LMLN: variants seen among roughly 807,000 people sequenced by gnomAD.
The protein encoded by LMLN is leishmanolysin-like peptidase.
In LMLN, 70 loss-of-function variants were observed where a neutral mutation model predicts 92.3. The observed-to-expected ratio is 0.76, with a 90% CI of 0.63 to 0.92. The LOEUF is 0.92. Ranked by LOEUF, LMLN falls within the 40% of genes least tolerant of loss-of-function variation. LMLN has a pLI of 0.00. For missense variants in LMLN, 691 were observed against 814.6 expected (o/e 0.85, Z 1.85); for synonymous variants, 308 against 296.2 (o/e 1.04, Z -0.41).
chr3:197,985,849 C>T (rs752283291), exon 8 of LMLN: 1 of 1,613,566 alleles, frequency 6.2e-7, no homozygotes, highest in African/African-American at 1.3e-5. Context: ...GAAATCCTCT[C>T]ACTTCAAGAT....
At chr3:197,980,599 T>A in intron 6 of LMLN, 95 bp downstream of exon 6, 3 of 1,235,600 alleles carry the variant, frequency 2.4e-6, no homozygotes, top group Non-Finnish European at 2.3e-6. Context: ...GAATCTTGCA[T>A]TTGCCAGATT....
intron 10 of LMLN, among the ~76,000 whole-genome samples, chr3:197,998,151 C>CCAGA (rs1722078012): frequency 6.6e-6 from 1 of 152,194 alleles, no homozygotes; most frequent in African/African-American, 2.4e-5. Flanking sequence ...AGCTCAAGTA[C>CCAGA]CAGAGCACAA....
intron 8 of LMLN, among the ~76,000 whole-genome samples, chr3:197,989,146 T>C (rs557423452): frequency 3.7e-4 from 56 of 152,324 alleles, no homozygotes; most frequent in African/African-American, 1.3e-3. Flanking sequence ...GTTTTCACCA[T>C]GATTGTGGGC....
chr3:198,010,111 A>G (rs914820222), intron 11 of LMLN, among the ~76,000 whole-genome samples: 5 of 151,938 alleles, frequency 3.3e-5, no homozygotes, highest in African/African-American at 9.7e-5. Flanking sequence ...TCCCTGCTAT[A>G]TCTTTCCCAC....
intron 1 of LMLN, among the ~76,000 whole-genome samples, 166 bp from the exon 2 acceptor site, chr3:197,974,211 C>CT (rs921186639): frequency 2.0e-5 from 3 of 152,200 alleles, no homozygotes; most frequent in African/African-American, 4.8e-5. Flanking sequence ...GCAGCCCTTG[C>CT]TTGGGAGAGC....
At chr3:198,039,149 C>G (rs1021295588) in exon 16 of LMLN, 2 of 160,192 alleles carry the variant, frequency 1.2e-5, no homozygotes, top group Non-Finnish European at 2.7e-5. Flanking sequence ...CCAACCACCT[C>G]ATCTTGGAGA....
chr3:197,961,084 G>A (rs1044013647), intron 1 of LMLN, among the ~76,000 whole-genome samples: 3 of 152,136 alleles, frequency 2.0e-5, no homozygotes, highest in African/African-American at 7.2e-5. Context: ...CCTCAAGGCA[G>A]CCTGCTGAAA....
chr3:198,002,507 G>A (rs1722202004), intron 11 of LMLN, among the ~76,000 whole-genome samples: 1 of 152,230 alleles, frequency 6.6e-6, no homozygotes, highest in Admixed American at 6.5e-5. Flanking sequence ...GCAGGCCAAG[G>A]CGGGTGGATC....
At chr3:197,987,325 G>A (rs150425660) in intron 8 of LMLN, among the ~76,000 whole-genome samples, 9,794 of 150,602 alleles carry the variant, frequency 0.065, 371 homozygotes, top group African/African-American at 0.1. Flanking sequence ...ACGCCCGGCT[G>A]ATTTTTTGTA....
At chr3:197,977,452 A>G (rs1205991201) in intron 5 of LMLN, among the ~76,000 whole-genome samples, 1 of 152,070 alleles carries the variant, frequency 6.6e-6, no homozygotes, top group African/African-American at 2.4e-5. Flanking sequence ...AAAAATTATC[A>G]AACAATCTGG....
chr3:197,998,538 C>G (rs1359370631), intron 10 of LMLN, among the ~76,000 whole-genome samples: 1 of 152,142 alleles, frequency 6.6e-6, no homozygotes, highest in Admixed American at 6.5e-5. Context: ...TCATTAACTT[C>G]TCTCAAATCA....
intron 3 of LMLN, among the ~76,000 whole-genome samples, chr3:197,975,679 T>A (rs996534526): frequency 5.8e-4 from 89 of 152,324 alleles, no homozygotes; most frequent in African/African-American, 2.1e-3. Context: ...AGATTAATAG[T>A]TGAGATATAT....
At chr3:198,006,516 AC>A (rs1722297273) in intron 11 of LMLN, among the ~76,000 whole-genome samples, 1 of 152,160 alleles carries the variant, frequency 6.6e-6, no homozygotes, top group Non-Finnish European at 1.5e-5. Flanking sequence ...CCTGACAGTG[AC>A]GTGTAAGTGA....
intron 11 of LMLN, among the ~76,000 whole-genome samples, chr3:198,000,352 T>G (rs982688762): frequency 6.6e-6 from 1 of 152,232 alleles, no homozygotes; most frequent in Non-Finnish European, 1.5e-5. Context: ...AGAGGTGCTA[T>G]TAAAACCATG....
At chr3:197,977,511 C>G (rs1250829302) in intron 5 of LMLN, among the ~76,000 whole-genome samples, 1 of 151,916 alleles carries the variant, frequency 6.6e-6, no homozygotes, top group Non-Finnish European at 1.5e-5. Context: ...ATCAAACAAT[C>G]TGGAAGTATA....
chr3:198,003,137 T>C lies in LMLN; in HGVS notation c.1232+3795T>C. ...CAGCAGAGACAAAAGTAAGAATGCA[T>C]TTCCTCACAGTGTCACTGATTACAC... On this transcript the variant is annotated intron_variant, in intron 11 of 15. Coordinates refer to ENST00000330198, the Ensembl canonical transcript of LMLN. 1 of 1,421,344 alleles carries C rather than the reference T, an allele frequency of 7.0e-7. No homozygotes were observed. Among genetic ancestry groups the C allele is most frequent in the Non-Finnish European group, 9.7e-7 (1 of 1,029,166 alleles). 88.0% of individuals were successfully genotyped at this position (1,421,344 alleles called of 1,614,324 possible).
chr3:198,005,988 G>A (rs1722282868), intron 11 of LMLN, among the ~76,000 whole-genome samples: 1 of 151,988 alleles, frequency 6.6e-6, no homozygotes, highest in African/African-American at 2.4e-5. Context: ...GTGGTGGTGG[G>A]CGCCTGTAAC....
intron 6 of LMLN, among the ~76,000 whole-genome samples, chr3:197,982,207 A>T (rs895123077): frequency 4.0e-5 from 6 of 151,394 alleles, no homozygotes; most frequent in African/African-American, 1.5e-4. Context: ...TTGTTAAAAG[A>T]AAAAGCAGTT....
chr3:197,970,830 A>G (rs544653442), intron 1 of LMLN, among the ~76,000 whole-genome samples: 1 of 152,368 alleles, frequency 6.6e-6, no homozygotes, highest in South Asian at 2.1e-4. Context: ...ATAGTCTTTC[A>G]TATCTATTCA....
Sources: gnomAD v4.1 joint callset for allele counts (sites outside exome capture counted in the v4.1 genomes callset) on GRCh38, gnomAD v4.1.1 for gene constraint, MANE v1.5 for transcripts, NCBI Gene and HGNC (gene_info 2026-07-23, HGNC 2026-07-21) for gene names.